Variants in CACNA1A observed in about 807,000 individuals in gnomAD.
CACNA1A encodes the protein voltage-dependent P/Q-type calcium channel subunit alpha-1A.
In CACNA1A, 57 loss-of-function variants were observed where a neutral mutation model predicts 262.4. That is an observed-to-expected ratio of 0.22 (90% confidence interval 0.18 to 0.27). The LOEUF (loss-of-function observed/expected upper bound fraction) is 0.27. CACNA1A is among the 10% of genes least tolerant of loss of function. CACNA1A has a pLI of 1.00. For missense variants in CACNA1A, 2,526 were observed against 3,562.8 expected (o/e 0.71, Z 7.41); for synonymous variants, 1,431 against 1,419.3 (o/e 1.01, Z -0.18).
At chr19:13,254,264 A>G (rs1309317582) in intron 29 of CACNA1A, among the ~76,000 whole-genome samples, 1 of 152,094 alleles carries the variant, frequency 6.6e-6, no homozygotes. Flanking sequence ...TCCAAAGCAC[A>G]GGGTGAAAGG....
intron 1 of CACNA1A, among the ~76,000 whole-genome samples, chr19:13,466,935 T>C (rs1220318037): frequency 6.8e-6 from 1 of 147,280 alleles, no homozygotes; most frequent in Non-Finnish European, 1.5e-5. Flanking sequence ...GGTCTCGCTA[T>C]GTTGCCCAGG....
intron 5 of CACNA1A, chr19:13,364,372 C>T (rs930801637): frequency 8.5e-5 from 13 of 152,276 alleles, no homozygotes; most frequent in Admixed American, 7.8e-4. Flanking sequence ...TCTCACCTTC[C>T]ACAAGGTACC....
rs1327100600 is a variant in CACNA1A at position 13,207,485 on chromosome 19, C to T, written c.7349G>A (p.Arg2450His). 6 of 1,422,722 alleles carry T rather than the reference C, an allele frequency of 4.2e-6. No homozygotes were observed. In the Admixed American group the frequency reaches 1.2e-4, roughly 29 times the overall value. 88.1% of individuals were successfully genotyped at this position (1,422,722 alleles called of 1,614,324 possible). A position where few individuals can be genotyped will look rare whatever the true frequency, so the allele number is the denominator to read the frequency against. Residue 2450 changes from arginine to histidine, a missense_variant, in exon 47 of 47, where the codon CGC becomes CAC. Arg to His is a conservative substitution (Grantham distance 29). Around this residue, in one of 17 missense-constraint regions of CACNA1A, gnomAD observed 929 missense variants for 868.1 expected, o/e 1.07. Transcript: ENST00000360228. The surrounding 1 kb of genome is among the most constrained non-coding windows in gnomAD (Gnocchi z 5.7). ...CGAGGCCCGGGGAGTCCTGGGCGAG[C>T]GCCCGGTGGCGCCCGAGGACGCGTG... ...VRHASSGATG[R>H]SPRTPRASGP... is the part of the protein sequence containing the mutation.
chr19:13,416,242 A>G (rs1180354890), intron 3 of CACNA1A, among the ~76,000 whole-genome samples: 2 of 152,008 alleles, frequency 1.3e-5, no homozygotes, highest in African/African-American at 4.8e-5. Flanking sequence ...CTGGGACCAC[A>G]GGCCTGCACC....
intron 9 of CACNA1A, among the ~76,000 whole-genome samples, chr19:13,332,166 C>T (rs1268403954): frequency 2.0e-5 from 3 of 152,032 alleles, no homozygotes; most frequent in Admixed American, 6.6e-5. Flanking sequence ...TTTGGGAGGC[C>T]AAGGTGTGCA....
intron 1 of CACNA1A, among the ~76,000 whole-genome samples, chr19:13,479,309 G>A (rs570626443): frequency 4.1e-4 from 63 of 152,310 alleles, no homozygotes; most frequent in African/African-American, 1.4e-3. Context: ...GCAGAAGGGC[G>A]GGAGGCAAAT....
intron 12 of CACNA1A, among the ~76,000 whole-genome samples, chr19:13,311,235 G>T (rs1377992614): frequency 1.3e-5 from 2 of 152,100 alleles, no homozygotes; most frequent in African/African-American, 4.8e-5. Flanking sequence ...GGCTACAGGT[G>T]TGCACCACCA....
Position 13,356,872 on chromosome 19 carries a change from T to C in CACNA1A, c.978+2734A>G, listed in dbSNP as rs558525744. 2.6e-5 allele frequency among the ~76,000 whole-genome samples: 4 copies of C among 152,320 alleles called. No homozygotes were observed. In the South Asian group the frequency reaches 8.3e-4, roughly 32 times the overall value. On this transcript the variant is annotated intron_variant, in intron 6 of 46. Coordinates refer to ENST00000360228, the MANE Select transcript of CACNA1A (RefSeq NM_001127222.2). ...GGGCTGACCCTTTGTCCAAGCTGTT[T>C]GCAGGTGACGGCCAAGAGAGGGCCT...
At chr19:13,291,841 C>T (rs1474819637) in intron 19 of CACNA1A, among the ~76,000 whole-genome samples, 3 of 151,704 alleles carry the variant, frequency 2.0e-5, no homozygotes, top group Admixed American at 6.6e-5. Context: ...TTGGGGGTAC[C>T]GTAAGAATTA....
At chr19:13,445,205 C>G (rs917090005) in intron 3 of CACNA1A, among the ~76,000 whole-genome samples, 1 of 152,062 alleles carries the variant, frequency 6.6e-6, no homozygotes, top group Non-Finnish European at 1.5e-5. Flanking sequence ...CCTGATGGTT[C>G]CTGTGTAGTT....
At position 13,506,125 on chromosome 19, in the gene CACNA1A, C is replaced by A; in HGVS notation, c.100G>T (p.Gly34Trp). ...GGCTGCCCGCCCTGCCGGCTGCCCC[C>A]GGCTCCTCGCCCGCCTCCGCTGCCC... ...VVGSGGGRGA[G>W]GSRQGGQPGA... is the part of the protein sequence containing the mutation. Residue 34 changes from glycine (G) to tryptophan (W), a missense_variant, in exon 1 of 47, where the codon GGG (glycine) becomes TGG (tryptophan). This residue lies in a region of CACNA1A where 65 missense variants were observed against 75.6 expected (regional missense o/e 0.86). Coordinates refer to ENST00000360228, the MANE Select transcript of CACNA1A (RefSeq NM_001127222.2). The A allele has an allele frequency of 6.2e-7, 1 of 1,604,742 alleles. No homozygotes were observed. Among genetic ancestry groups the A allele is most frequent in the African/African-American group, 1.3e-5 (1 of 74,760 alleles).
intron 9 of CACNA1A, among the ~76,000 whole-genome samples, chr19:13,331,965 A>G (rs10407711): frequency 0.56 from 84,484 of 152,134 alleles, 24,935 homozygotes; most frequent in East Asian, 0.96. Context: ...ACCGCATCCA[A>G]CCCTATCTCT....
In CACNA1A at chr19:13,285,076, C is replaced by A; in HGVS notation, c.3684G>T (p.Thr1228=). 1 of 1,613,944 alleles carries A rather than the reference C, an allele frequency of 6.2e-7. No homozygotes were observed. Among genetic ancestry groups the A allele is most frequent in the African/African-American group, 1.3e-5 (1 of 75,034 alleles). ...CTGGGGGCCATACTCACGGGTTGGTCGTGGACAGGATGAACATGGAGCTAT... is the reference window on the plus strand; with the variant it reads ...CTGGGGGCCATACTCACGGGTTGGTAGTGGACAGGATGAACATGGAGCTAT... The part of the protein sequence containing the change: ...PPYSSMFILS[T]TNPLRRLCHY... The change falls in exon 21 of 47, where the codon ACG becomes ACT. Residue 1228 remains threonine (T), a synonymous_variant. Transcript: ENST00000360228.
intron 15 of CACNA1A, 43 bp from the exon 16 acceptor site, chr19:13,303,927 C>A: frequency 7.3e-7 from 1 of 1,378,454 alleles, no homozygotes; most frequent in South Asian, 1.3e-5. Context: ...CCCCTCTCAG[C>A]CACGGGCCCC....
At chr19:13,400,150 T>C (rs997522391) in intron 3 of CACNA1A, among the ~76,000 whole-genome samples, 3 of 152,070 alleles carry the variant, frequency 2.0e-5, no homozygotes, top group Admixed American at 6.6e-5. Flanking sequence ...ATCAGACAGG[T>C]TGGGGAGATG....
In CACNA1A at chr19:13,303,813, G is replaced by A. The variant is rs1301000566; in HGVS notation, c.2058C>T (p.Gly686=). The A allele has an allele frequency of 6.2e-7, 1 of 1,613,564 alleles. No individual in the cohort carries two copies. The highest frequency in any genetic ancestry group is 1.3e-5 in the African/African-American group (1 of 74,988). ...GIKSQGGVQG[G]MVFSIYFIVL... is the part of the protein sequence containing the mutation. ...CAATGAAATAGATGGAGAACACCAT[G>A]CCGCCCTGCACGCCCCCCTGAGACT... Residue 686 remains glycine (G), a synonymous_variant, in exon 16 of 47, where the codon GGC becomes GGT. Transcript: ENST00000360228.
chr19:13,320,237 CGAGAGAGAGAGAGA>C (rs146095824), intron 10 of CACNA1A, among the ~76,000 whole-genome samples: 28 of 127,248 alleles, frequency 2.2e-4, no homozygotes, highest in Admixed American at 4.9e-4. Flanking sequence ...TTCCACAGAT[CGAGAGAGAGAGAGA>C]GAGAGAGAGA....
intron 10 of CACNA1A, among the ~76,000 whole-genome samples, chr19:13,326,075 G>T (rs985474437): frequency 6.6e-6 from 1 of 152,030 alleles, no homozygotes; most frequent in African/African-American, 2.4e-5. Flanking sequence ...CAGCACTTTC[G>T]GAGGCTGAGG....
At chr19:13,489,570 C>T (rs1363775990) in intron 1 of CACNA1A, among the ~76,000 whole-genome samples, 1 of 152,180 alleles carries the variant, frequency 6.6e-6, no homozygotes, top group African/African-American at 2.4e-5. Flanking sequence ...TTGAGCCCAG[C>T]CTGGTCTGCA....
Sources: gnomAD v4.1 joint callset for allele counts (sites outside exome capture counted in the v4.1 genomes callset) on GRCh38, gnomAD v4.1.1 for gene constraint, gnomAD v4.1.1 regional missense constraint, Gnocchi (gnomAD v3.1) non-coding constraint, MANE v1.5 for transcripts, NCBI Gene and HGNC (gene_info 2026-07-23, HGNC 2026-07-21) for gene names.